The following RBM6 variants were observed in gnomAD, a reference collection of about 807,000 sequenced individuals.
RBM6 encodes the protein RNA binding motif protein 6, also known as RNA-binding protein 6.
RBM6 carries 23 observed loss-of-function variants against 140.4 expected under a neutral mutation model. The observed-to-expected ratio is 0.16, with a 90% CI of 0.12 to 0.23. RBM6 has a LOEUF of 0.23. Among genes scored for constraint, RBM6 ranks in the 10% least tolerant of loss-of-function variants. The pLI, the probability that RBM6 is intolerant of heterozygous loss-of-function variation, is 1.00. For missense variants in RBM6, 1,139 were observed against 1,386.7 expected, an observed-to-expected ratio of 0.82 and a Z score of 2.84; for synonymous variants, 439 against 475.6, an observed-to-expected ratio of 0.92 and a Z score of 1.00.
In RBM6 at chr3:49,968,612, G is replaced by A. The variant is rs771389774; in HGVS notation, c.1187G>A (p.Arg396Gln). 2.1e-5 allele frequency: 34 copies of A among 1,613,926 alleles called. No homozygotes were observed. The Admixed American group carries it at 2.7e-4, about 13-fold the overall frequency. Residue 396 changes from arginine to glutamine, a missense_variant, in exon 3 of 21, where the codon CGG becomes CAG. Arg to Gln is a conservative substitution (Grantham distance 43). Coordinates refer to ENST00000266022, the MANE Select transcript of RBM6 (RefSeq NM_005777.3). Reference sequence around the variant, plus strand: ...GAAGGCGGTCTGGACTTTCTTGGGCGGCAAGACACCGATTACAGAAGCATG... The same window carrying A: ...GAAGGCGGTCTGGACTTTCTTGGGCAGCAAGACACCGATTACAGAAGCATG... Reference protein sequence around the residue: ...KEEGGLDFLGRQDTDYRSMEY... With the variant: ...KEEGGLDFLGQQDTDYRSMEY...
At chr3:49,988,649 G>A (rs972898724) in intron 5 of RBM6, among the ~76,000 whole-genome samples, 1 of 152,100 alleles carries the variant, frequency 6.6e-6, no homozygotes, top group Non-Finnish European at 1.5e-5. Context: ...TATTAGTAGT[G>A]AGTTTTCATA....
intron 6 of RBM6, among the ~76,000 whole-genome samples, chr3:50,036,213 G>A (rs183876194): frequency 1.3e-5 from 2 of 152,266 alleles, no homozygotes; most frequent in East Asian, 1.9e-4. Context: ...CTTTTTAAAC[G>A]TATTTTCTTT....
chr3:49,983,477 T>C (rs1487264829), intron 5 of RBM6, among the ~76,000 whole-genome samples: 1 of 151,944 alleles, frequency 6.6e-6, no homozygotes. Context: ...AAGTGCATAG[T>C]TTATGGTATC....
chr3:50,018,046 A>T (rs751753584), intron 6 of RBM6, among the ~76,000 whole-genome samples: 2 of 152,220 alleles, frequency 1.3e-5, no homozygotes, highest in African/African-American at 4.8e-5. Flanking sequence ...CAACATTGAT[A>T]CATCATTATC....
intron 7 of RBM6, among the ~76,000 whole-genome samples, 177 bp downstream of exon 7, chr3:50,048,496 G>C (rs1364191070): frequency 6.6e-6 from 1 of 152,126 alleles, no homozygotes; most frequent in Non-Finnish European, 1.5e-5. Flanking sequence ...CTCCTTCCCA[G>C]CTGCTACATG....
Position 49,997,822 on chromosome 3 carries a change from T to C in RBM6, c.1484-1618T>C, listed in dbSNP as rs145464488. Among the ~76,000 whole-genome samples, 279 of 152,352 alleles carry C rather than the reference T, an allele frequency of 1.8e-3. 2 individuals are homozygous for C. The highest frequency in any genetic ancestry group is 6.4e-3 in the African/African-American group (267 of 41,576). ...AATGAGTTTGATCAAGAAGATTCACTTGAAAGGAATTAACTAACAAAGCAG... is the reference window on the plus strand; with the variant it reads ...AATGAGTTTGATCAAGAAGATTCACCTGAAAGGAATTAACTAACAAAGCAG... On this transcript the variant is annotated intron_variant, in intron 5 of 20. Transcript: ENST00000266022.
chr3:49,999,408 C>T, intron 5 of RBM6, 32 bp from the exon 6 acceptor site: 1 of 1,578,008 alleles, frequency 6.3e-7, no homozygotes, highest in South Asian at 1.1e-5. Flanking sequence ...GCACTAACAC[C>T]ACTCCCGTCT....
chr3:49,961,428 C>T (rs930950758), intron 1 of RBM6, among the ~76,000 whole-genome samples: 1 of 152,142 alleles, frequency 6.6e-6, no homozygotes, highest in South Asian at 2.1e-4. Flanking sequence ...AGCGGTCTGC[C>T]TGCCTTGGCC....
At chr3:49,985,807 T>C (rs904493975) in intron 5 of RBM6, among the ~76,000 whole-genome samples, 6 of 151,332 alleles carry the variant, frequency 4.0e-5, no homozygotes, top group South Asian at 2.1e-4. Flanking sequence ...GGGGTTTCAC[T>C]GTGTTAGCCA....
chr3:49,962,266 C>T (rs185060591), intron 1 of RBM6, among the ~76,000 whole-genome samples: 38 of 150,836 alleles, frequency 2.5e-4, no homozygotes, highest in Admixed American at 2.2e-3. Context: ...CAGTAAACCC[C>T]GTCTCTACTA....
rs570331439 is a variant in RBM6, at chr3:49,958,874, A to C, written c.-66-3702A>C. ...CATGGCATGATCTCAGCTCACTGCAACCAACCCCCACTCCAAGTTGAAGCG... is the reference window on the plus strand; with the variant it reads ...CATGGCATGATCTCAGCTCACTGCACCCAACCCCCACTCCAAGTTGAAGCG... On this transcript the variant is annotated intron_variant, in intron 1 of 20. Coordinates refer to ENST00000266022, the MANE Select transcript of RBM6 (RefSeq NM_005777.3). Among the ~76,000 whole-genome samples, 35 of 149,968 alleles carry C rather than the reference A, an allele frequency of 2.3e-4. No homozygotes were observed. The East Asian group carries it at 6.2e-3, about 27-fold the overall frequency.
intron 6 of RBM6, among the ~76,000 whole-genome samples, chr3:50,023,634 T>C (rs957063593): frequency 6.0e-5 from 9 of 150,002 alleles, no homozygotes; most frequent in South Asian, 2.1e-4. Context: ...CATTATACGC[T>C]CACAAATAAA....
chr3:49,994,059 T>A (rs2085954869), intron 5 of RBM6, among the ~76,000 whole-genome samples: 2 of 152,114 alleles, frequency 1.3e-5, no homozygotes, highest in South Asian at 4.1e-4. Flanking sequence ...TCGAGTGGGA[T>A]TGTGTGTTTG....
chr3:49,996,545 G>T (rs1347981815), intron 5 of RBM6, among the ~76,000 whole-genome samples: 1 of 152,068 alleles, frequency 6.6e-6, no homozygotes, highest in African/African-American at 2.4e-5. Context: ...TTTTGTAGCT[G>T]TCATTTATAA....
chr3:49,968,770 CTTTTTTTTTTT>C (rs569224640), intron 3 of RBM6, 22 bp downstream of exon 3: 50,443 of 691,130 alleles, frequency 0.073, 278 homozygotes, highest in Non-Finnish European at 0.085. Flanking sequence ...GGGTGGATTG[CTTTTTTTTTTT>C]TTTTTTTTTT....
At chr3:50,001,306 A>C (rs2086316591) in intron 6 of RBM6, among the ~76,000 whole-genome samples, 2 of 152,090 alleles carry the variant, frequency 1.3e-5, no homozygotes, top group African/African-American at 4.8e-5. Flanking sequence ...TCTACAAAAA[A>C]TAAAAGTGAA....
At chr3:50,031,291 AT>A (rs1403814789) in intron 6 of RBM6, among the ~76,000 whole-genome samples, 1 of 152,226 alleles carries the variant, frequency 6.6e-6, no homozygotes, top group Non-Finnish European at 1.5e-5. Context: ...ATGTATGTTT[AT>A]TGCGGCACTA....
intron 6 of RBM6, among the ~76,000 whole-genome samples, chr3:50,039,903 C>T (rs61068338): frequency 1.4e-4 from 22 of 152,094 alleles, no homozygotes; most frequent in East Asian, 3.9e-4. Context: ...TTGTTTTTGC[C>T]GCAAATACAA....
At position 50,075,333 on chromosome 3, in the gene RBM6, A is replaced by G; in HGVS notation, c.3246+3A>G. ...CTGGATTGGCTTCATCAGAGGAGGTAAAATGGTTTCCATCTTTTGGGGGGT... is the reference window on the plus strand; with the variant it reads ...CTGGATTGGCTTCATCAGAGGAGGTGAAATGGTTTCCATCTTTTGGGGGGT... On this transcript the variant is annotated splice_donor_region_variant and intron_variant, in intron 20 of 20. Transcript: ENST00000266022. 6.2e-7 allele frequency: 1 copy of G among 1,607,906 alleles called. No homozygotes were observed. The highest frequency in any genetic ancestry group is 8.5e-7 in the Non-Finnish European group (1 of 1,176,642).
Sources: gnomAD v4.1 joint callset for allele counts (sites outside exome capture counted in the v4.1 genomes callset) on GRCh38, gnomAD v4.1.1 for gene constraint, MANE v1.5 for transcripts, NCBI Gene and HGNC (gene_info 2026-07-23, HGNC 2026-07-21) for gene names.